DYNC2I2: variants seen among roughly 807,000 people sequenced by gnomAD.
DYNC2I2 encodes dynein 2 intermediate chain 2.
In DYNC2I2, 39 loss-of-function variants were observed where a neutral mutation model predicts 52.0. The ratio of observed to expected loss-of-function variants is 0.75; its 90% CI spans 0.58 to 0.98. The LOEUF (loss-of-function observed/expected upper bound fraction) is 0.98. Among genes scored for constraint, DYNC2I2 ranks in the 50% least tolerant of loss-of-function variants. The probability of loss-of-function intolerance (pLI) is 0.00; values close to 1 mark genes in which losing one functional copy is unlikely to be tolerated. For synonymous variants in DYNC2I2, 359 were observed against 321.1 expected, an observed-to-expected ratio of 1.12 and a Z score of -1.26; for missense variants, 743 against 728.4, an observed-to-expected ratio of 1.02 and a Z score of -0.23.
At chr9:128,671,855 G>A in the DYNC2I2 span, among the ~76,000 whole-genome samples, 1 of 151,014 alleles carries the variant, frequency 6.6e-6, no homozygotes, top group African/African-American at 2.4e-5. Flanking sequence ...GGGTTTCACC[G>A]TGTTAGCCAG....
Position 128,656,731 on chromosome 9 carries a change from A to G in DYNC2I2, c.-5T>C, listed in dbSNP as rs1860837146. The G allele has an allele frequency of 3.6e-6, 5 of 1,401,274 alleles. No individual in the cohort carries two copies. The highest frequency in any genetic ancestry group is 4.6e-6 in the Non-Finnish European group (5 of 1,083,216). 86.8% of individuals were successfully genotyped at this position (1,401,274 alleles called of 1,614,324 possible). A position where few individuals can be genotyped will look rare whatever the true frequency, so the allele number is the denominator to read the frequency against. ...CGGCTGCGCGCGGGTTGCCATGGAG[A>G]CGGTTCCGCCCTCTCGTGCGGACGC... On this transcript the variant is annotated 5_prime_UTR_variant, in exon 1 of 9. Coordinates refer to ENST00000372715, the MANE Select transcript of DYNC2I2 (RefSeq NM_052844.4).
At chr9:128,681,438 A>C in the DYNC2I2 span, among the ~76,000 whole-genome samples, 1 of 152,154 alleles carries the variant, frequency 6.6e-6, no homozygotes, top group East Asian at 1.9e-4. Context: ...AATATCTCAC[A>C]ATGTATTCAT....
chr9:128,648,481 G>A (rs1177061053), intron 1 of DYNC2I2, among the ~76,000 whole-genome samples: 1 of 151,398 alleles, frequency 6.6e-6, no homozygotes, highest in Non-Finnish European at 1.5e-5. Context: ...GCCAGGCCCC[G>A]CCAAGCCAAG....
intron 1 of DYNC2I2, chr9:128,651,842 G>C (rs1860719733): frequency 1.4e-5 from 2 of 147,476 alleles, no homozygotes; most frequent in Non-Finnish European, 3.0e-5. Flanking sequence ...TTGAACCCAG[G>C]AGGCAGAGGT....
In DYNC2I2 at chr9:128,635,200, G is replaced by T; in HGVS notation, c.873C>A (p.Thr291=). 6.2e-7 allele frequency: 1 copy of T among 1,613,082 alleles called. No homozygotes were observed. The highest frequency in any genetic ancestry group is 8.5e-7 in the Non-Finnish European group (1 of 1,179,928). Residue 291 remains threonine, a synonymous_variant, in exon 6 of 9, where the codon ACC becomes ACA. Transcript: ENST00000372715. ...SHRFQVLSVA[T]DGKVLLWQGI... is the part of the protein sequence containing the mutation. ...CCTGCCAGAGTAGCACCTTCCCGTC[G>T]GTGGCCACACTCAGCACCTGGAAGC...
chr9:128,667,466 C>T, the DYNC2I2 span, among the ~76,000 whole-genome samples: 1 of 151,626 alleles, frequency 6.6e-6, no homozygotes, highest in Non-Finnish European at 1.5e-5. Flanking sequence ...GCTGGGACTA[C>T]AGGCGCCCGC....
chr9:128,676,347 G>A, the DYNC2I2 span, among the ~76,000 whole-genome samples: 118 of 151,720 alleles, frequency 7.8e-4, no homozygotes, highest in African/African-American at 2.6e-3. Flanking sequence ...AAAAGTAGCC[G>A]GGCATGATAG....
intron 2 of DYNC2I2, among the ~76,000 whole-genome samples, chr9:128,639,405 TA>T (rs570265144): frequency 6.6e-4 from 95 of 144,628 alleles, no homozygotes; most frequent in African/African-American, 2.3e-3. Flanking sequence ...CTCAAAAAAA[TA>T]AAAAAAAAAG....
At chr9:128,681,724 C>T in the DYNC2I2 span, among the ~76,000 whole-genome samples, 1 of 152,038 alleles carries the variant, frequency 6.6e-6, no homozygotes, top group Non-Finnish European at 1.5e-5. Context: ...ATTTTTATGC[C>T]CTAACAGACC....
the DYNC2I2 span, among the ~76,000 whole-genome samples, chr9:128,665,270 C>T: frequency 2.6e-5 from 4 of 151,792 alleles, no homozygotes; most frequent in South Asian, 2.1e-4. Context: ...TCAGGCTGGT[C>T]TCAAACTCCT....
the DYNC2I2 span, chr9:128,684,038 T>G: frequency 6.7e-7 from 1 of 1,483,850 alleles, no homozygotes; most frequent in Non-Finnish European, 9.2e-7. Flanking sequence ...TTATTGGAGA[T>G]TTAAGGGATT....
chr9:128,659,467 C>T (rs1372072336), upstream of DYNC2I2, among the ~76,000 whole-genome samples: 1 of 149,830 alleles, frequency 6.7e-6, no homozygotes. Flanking sequence ...TGCACTCCAG[C>T]CTGGGCGACA....
intron 2 of DYNC2I2, among the ~76,000 whole-genome samples, chr9:128,638,101 G>A (rs958201409): frequency 6.6e-6 from 1 of 151,870 alleles, no homozygotes; most frequent in African/African-American, 2.4e-5. Context: ...GCTGGGCATG[G>A]GGGTCAGAGC....
At chr9:128,656,854 A>G, upstream of DYNC2I2, 1 of 928,196 alleles carries the variant, frequency 1.1e-6, no homozygotes, top group Non-Finnish European at 1.5e-6. Context: ...CGCCTCCTGC[A>G]AGACCTGGAA....
Position 128,634,732 on chromosome 9 carries a change from G to A in DYNC2I2, c.1171C>T (p.His391Tyr), listed in dbSNP as rs537004785. The change falls in exon 7 of 9, where the codon CAC becomes TAC. Residue 391 changes from histidine to tyrosine, a missense_variant. Coordinates refer to ENST00000372715, the MANE Select transcript of DYNC2I2 (RefSeq NM_052844.4). The part of the protein sequence containing the change: ...RAPAQFTFSP[H>Y]GGPIYSVSCS... ...CTCACAGAGTAGATGGGACCGCCGTGGGGGGAGAAGGTAAACTGTGCTGGG... is the reference window on the plus strand; with the variant it reads ...CTCACAGAGTAGATGGGACCGCCGTAGGGGGAGAAGGTAAACTGTGCTGGG... 1.8e-5 allele frequency: 28 copies of A among 1,595,918 alleles called. No individual in the cohort carries two copies. The highest frequency in any genetic ancestry group is 2.0e-5 in the Non-Finnish European group (23 of 1,171,956).
At chr9:128,680,699 G>A in the DYNC2I2 span, among the ~76,000 whole-genome samples, 1 of 151,184 alleles carries the variant, frequency 6.6e-6, no homozygotes, top group Non-Finnish European at 1.5e-5. Flanking sequence ...TTTTGAGACA[G>A]GGTCTCACTC....
the DYNC2I2 span, among the ~76,000 whole-genome samples, chr9:128,666,383 G>GAAAA: frequency 2.1e-5 from 1 of 46,722 alleles, no homozygotes; most frequent in Non-Finnish European, 4.9e-5. Flanking sequence ...CCCTGTCTCA[G>GAAAA]AAAAAAAAAA....
intron 1 of DYNC2I2, among the ~76,000 whole-genome samples, chr9:128,642,542 G>A (rs1186964688): frequency 1.3e-5 from 2 of 151,234 alleles, no homozygotes; most frequent in Non-Finnish European, 2.9e-5. Context: ...AGGCCGAGGC[G>A]GGCGGATCAC....
intron 1 of DYNC2I2, among the ~76,000 whole-genome samples, chr9:128,645,218 G>C (rs1464845420): frequency 6.6e-6 from 1 of 151,080 alleles, no homozygotes; most frequent in Non-Finnish European, 1.5e-5. Context: ...AAAATTGGCC[G>C]GGCATAGTGG....
Sources: gnomAD v4.1 joint callset for allele counts (sites outside exome capture counted in the v4.1 genomes callset) on GRCh38, gnomAD v4.1.1 for gene constraint, MANE v1.5 for transcripts, NCBI Gene and HGNC (gene_info 2026-07-23, HGNC 2026-07-21) for gene names.